The following ARHGEF28 variants were observed in gnomAD, a reference collection of about 807,000 sequenced individuals.
The protein encoded by ARHGEF28 is 190 kDa guanine nucleotide exchange factor.
ARHGEF28 carries 152 observed loss-of-function variants against 206.6 expected under a neutral mutation model. The observed-to-expected ratio is 0.74, with a 90% CI of 0.64 to 0.84. The LOEUF (loss-of-function observed/expected upper bound fraction) is 0.84. ARHGEF28 is among the 40% of genes least tolerant of loss of function. The pLI is 0.00. For missense variants in ARHGEF28, 2,028 were observed against 2,073.2 expected (o/e 0.98, Z 0.42); for synonymous variants, 763 against 776.4 (o/e 0.98, Z 0.29).
At chr5:73,708,298 C>T (rs1749053357) in intron 2 of ARHGEF28, among the ~76,000 whole-genome samples, 1 of 151,956 alleles carries the variant, frequency 6.6e-6, no homozygotes, top group South Asian at 2.1e-4. Flanking sequence ...GATCTCGCTA[C>T]CCAGACACTG....
chr5:73,759,566 A>G (rs928658238), intron 4 of ARHGEF28, among the ~76,000 whole-genome samples: 9 of 152,222 alleles, frequency 5.9e-5, no homozygotes, highest in African/African-American at 2.2e-4. Flanking sequence ...GAAGACGTTT[A>G]TAAGAGTTAG....
At chr5:73,821,691 C>T (rs1279408181) in intron 9 of ARHGEF28, among the ~76,000 whole-genome samples, 2 of 151,890 alleles carry the variant, frequency 1.3e-5, no homozygotes, top group South Asian at 2.1e-4. Flanking sequence ...CTTCCCCTCT[C>T]GGTTTGCCAA....
intron 35 of ARHGEF28, among the ~76,000 whole-genome samples, chr5:73,932,196 G>A (rs4704102): frequency 0.09 from 13,760 of 152,182 alleles, 1,088 homozygotes; most frequent in East Asian, 0.42. Context: ...AGTTTGATAT[G>A]TATCATGATA....
chr5:73,937,694 G>A (rs1173466149), intron 35 of ARHGEF28, among the ~76,000 whole-genome samples: 1 of 152,164 alleles, frequency 6.6e-6, no homozygotes, highest in Non-Finnish European at 1.5e-5. Context: ...GATCACAAAT[G>A]AAACTGGGTG....
chr5:73,802,044 C>T (rs716707), intron 9 of ARHGEF28, among the ~76,000 whole-genome samples: 8,277 of 152,218 alleles, frequency 0.054, 299 homozygotes, highest in African/African-American at 0.098. Context: ...TGGAGTTCTA[C>T]TTTTATCTCA....
At chr5:73,641,403 GCTTT>G (rs1561302877) in intron 1 of ARHGEF28, among the ~76,000 whole-genome samples, 5 of 145,578 alleles carry the variant, frequency 3.4e-5, no homozygotes, top group African/African-American at 1.3e-4. Flanking sequence ...CAGGGGAAAG[GCTTT>G]TTTTTTTTTT....
At chr5:73,809,881 G>A (rs1454882957) in intron 9 of ARHGEF28, among the ~76,000 whole-genome samples, 2 of 152,154 alleles carry the variant, frequency 1.3e-5, no homozygotes, top group Non-Finnish European at 1.5e-5. Context: ...TGAAAGGGTG[G>A]CCTGGGGGAT....
intron 9 of ARHGEF28, among the ~76,000 whole-genome samples, chr5:73,829,672 G>A (rs1488529054): frequency 3.9e-5 from 6 of 152,166 alleles, no homozygotes; most frequent in East Asian, 3.9e-4. Flanking sequence ...GAGCCACCGC[G>A]CCTGGCCTTC....
At chr5:73,765,737 C>T (rs1444365745) in intron 4 of ARHGEF28, among the ~76,000 whole-genome samples, 1 of 152,142 alleles carries the variant, frequency 6.6e-6, no homozygotes, top group Admixed American at 6.5e-5. Context: ...TGTTTGTCTA[C>T]TGAATGACTT....
At chr5:73,735,201 ATAAAT>A (rs1388824257) in intron 2 of ARHGEF28, among the ~76,000 whole-genome samples, 3 of 151,388 alleles carry the variant, frequency 2.0e-5, no homozygotes, top group Admixed American at 2.0e-4. Flanking sequence ...TAAGTAATTA[ATAAAT>A]TAATACATTT....
chr5:73,810,901 T>A (rs890260232), intron 9 of ARHGEF28, among the ~76,000 whole-genome samples: 2 of 152,182 alleles, frequency 1.3e-5, no homozygotes, highest in Non-Finnish European at 2.9e-5. Context: ...TGTAATTTAA[T>A]AAGAAACATG....
At chr5:73,872,733 A>G (rs1008553346) in intron 21 of ARHGEF28, among the ~76,000 whole-genome samples, 2 of 152,238 alleles carry the variant, frequency 1.3e-5, no homozygotes, top group African/African-American at 4.8e-5. Flanking sequence ...CTAGCTAGTT[A>G]TATTATTGAG....
rs576910756 is a variant in ARHGEF28, at chr5:73,670,866, C to T, written c.-11-13975C>T. ...TCTTTATATATTTTGCATACTAGCCCTTTGATGGATATGTGGTTTGCAAAT... is the reference window on the plus strand; with the variant it reads ...TCTTTATATATTTTGCATACTAGCCTTTTGATGGATATGTGGTTTGCAAAT... On this transcript the variant is annotated intron_variant, in intron 1 of 35. Coordinates refer to ENST00000513042, the MANE Select transcript of ARHGEF28 (RefSeq NM_001177693.2). Among the ~76,000 whole-genome samples the T allele has an allele frequency of 1.2e-4, 19 of 152,202 alleles. No homozygotes were observed. The East Asian group carries it at 3.7e-3, about 29-fold the overall frequency.
intron 3 of ARHGEF28, 124 bp from the exon 4 acceptor site, chr5:73,752,785 T>C: frequency 1.7e-6 from 2 of 1,146,532 alleles, no homozygotes; most frequent in Non-Finnish European, 2.5e-6. Flanking sequence ...CTGGCTTTCC[T>C]TTCTGCTTTG....
chr5:73,760,741 A>C (rs1752557598), intron 4 of ARHGEF28, among the ~76,000 whole-genome samples: 1 of 152,180 alleles, frequency 6.6e-6, no homozygotes, highest in Non-Finnish European at 1.5e-5. Flanking sequence ...CTGGCAGTAA[A>C]GAATTTAATA....
At chr5:73,684,714 GTC>G in intron 1 of ARHGEF28, 125 bp from the exon 2 acceptor site, 1 of 609,954 alleles carries the variant, frequency 1.6e-6, no homozygotes, top group Admixed American at 3.4e-5. Context: ...TTCATATTTT[GTC>G]TCTGCAGTTT....
intron 1 of ARHGEF28, among the ~76,000 whole-genome samples, chr5:73,657,825 G>C (rs1745313557): frequency 1.3e-5 from 2 of 152,130 alleles, no homozygotes; most frequent in Non-Finnish European, 2.9e-5. Context: ...TGGCCCTTTG[G>C]GGGTACTGCC....
intron 20 of ARHGEF28, among the ~76,000 whole-genome samples, chr5:73,869,839 C>T (rs1476771170): frequency 4.0e-5 from 6 of 151,824 alleles, no homozygotes; most frequent in East Asian, 1.9e-4. Context: ...ACCCGGGAGG[C>T]GGAGGTTGCA....
chr5:73,775,698 A>T (rs1473085155), intron 5 of ARHGEF28, among the ~76,000 whole-genome samples: 1 of 152,218 alleles, frequency 6.6e-6, no homozygotes, highest in Admixed American at 6.5e-5. Flanking sequence ...GGGATGTGAC[A>T]TGCTGAGGTA....
Sources: gnomAD v4.1 joint callset for allele counts (sites outside exome capture counted in the v4.1 genomes callset) on GRCh38, gnomAD v4.1.1 for gene constraint, MANE v1.5 for transcripts, NCBI Gene and HGNC (gene_info 2026-07-23, HGNC 2026-07-21) for gene names.